FAM3B: variants seen among roughly 807,000 people sequenced by gnomAD.
FAM3B encodes the protein FAM3 metabolism regulating signaling molecule B, also known as protein FAM3B.
Under a neutral mutation model 28.4 loss-of-function variants are expected in FAM3B, and 29 were observed. The observed-to-expected ratio is 1.02, with a 90% CI of 0.76 to 1.39. The LOEUF (loss-of-function observed/expected upper bound fraction) is 1.39, where lower values mean the gene tolerates loss of function less well. Among genes scored for constraint, FAM3B ranks in the 40% most tolerant of loss-of-function variants. FAM3B has a pLI of 0.00. For missense variants in FAM3B, 266 were observed against 293.9 expected, an observed-to-expected ratio of 0.91 and a Z score of 0.69; for synonymous variants, 91 against 103.0, an observed-to-expected ratio of 0.88 and a Z score of 0.71.
chr21:41,321,023 T>A (rs1005090948), intron 1 of FAM3B: 1 of 152,222 alleles, frequency 6.6e-6, no homozygotes, highest in African/African-American at 2.4e-5. Context: ...AAACAGCAGC[T>A]TGTTGCTCAG....
chr21:41,348,803 T>A, intron 7 of FAM3B, 79 bp downstream of exon 7: 1 of 1,486,620 alleles, frequency 6.7e-7, no homozygotes, highest in South Asian at 1.2e-5. Flanking sequence ...CCTGGTGGGT[T>A]ATAACTCCGT....
At chr21:41,305,730 A>T (rs552705047) in intron 1 of FAM3B, among the ~76,000 whole-genome samples, 1 of 152,266 alleles carries the variant, frequency 6.6e-6, no homozygotes, top group Non-Finnish European at 1.5e-5. Context: ...AAAAGTGCCA[A>T]CGTTCATCTG....
chr21:41,311,290 ATATAT>A (rs1233387456), intron 1 of FAM3B, among the ~76,000 whole-genome samples: 2 of 103,218 alleles, frequency 1.9e-5, no homozygotes, highest in Non-Finnish European at 3.9e-5. Flanking sequence ...ATATATATAT[ATATAT>A]ATGTATATAT....
intron 2 of FAM3B, among the ~76,000 whole-genome samples, chr21:41,334,664 C>T (rs138929698): frequency 1.3e-5 from 2 of 152,322 alleles, no homozygotes; most frequent in East Asian, 3.9e-4. Context: ...GGCAGAACCT[C>T]TACTAGAACA....
chr21:41,315,045 G>A (rs1300663013), upstream of FAM3B, among the ~76,000 whole-genome samples: 5 of 152,076 alleles, frequency 3.3e-5, no homozygotes, highest in East Asian at 1.9e-4. Context: ...AAGTGTCCGC[G>A]GATGGATGAA....
At chr21:41,338,868 C>A (rs1489974147) in intron 3 of FAM3B, among the ~76,000 whole-genome samples, 1 of 152,096 alleles carries the variant, frequency 6.6e-6, no homozygotes, top group African/African-American at 2.4e-5. Flanking sequence ...GTGTGGGGCA[C>A]GTGGGGGCAT....
chr21:41,356,040 T>TACATACACAC (rs1350874234), intron 7 of FAM3B, among the ~76,000 whole-genome samples: 10 of 119,966 alleles, frequency 8.3e-5, no homozygotes, highest in African/African-American at 3.0e-4. Context: ...AAAAAATACA[T>TACATACACAC]ACACACACAC....
chr21:41,337,943 G>T (rs1028350273), intron 2 of FAM3B, among the ~76,000 whole-genome samples: 1 of 152,058 alleles, frequency 6.6e-6, no homozygotes, highest in African/African-American at 2.4e-5. Context: ...GTTGTGTGAT[G>T]TGTGTGTGTT....
upstream of FAM3B, among the ~76,000 whole-genome samples, chr21:41,312,722 A>AGT (rs10580404): frequency 0.019 from 2,814 of 148,282 alleles, 33 homozygotes; most frequent in Middle Eastern, 0.029. Flanking sequence ...TGTGTGTGAG[A>AGT]GTGTGTGTGT....
intron 1 of FAM3B, among the ~76,000 whole-genome samples, chr21:41,318,928 T>C (rs2088775612): frequency 6.6e-6 from 1 of 152,226 alleles, no homozygotes; most frequent in Admixed American, 6.6e-5. Context: ...GGTCTTGCTC[T>C]GTAGCCCAGA....
Position 41,344,460 on chromosome 21 carries a change from C to T in FAM3B, c.288-16C>T, listed in dbSNP as rs2145824922. 1.2e-6 allele frequency: 2 copies of T among 1,613,490 alleles called. No individual in the cohort carries two copies. The highest frequency in any genetic ancestry group is 1.7e-6 in the Non-Finnish European group (2 of 1,179,378). On this transcript the variant is annotated splice_polypyrimidine_tract_variant and intron_variant, in intron 3 of 7. Coordinates refer to ENST00000357985, the MANE Select transcript of FAM3B (RefSeq NM_058186.4). The stretch of plus-strand genomic sequence containing the variant: ...CACGCCTCTTGGTACTTGACTAATG[C>T]TTAGCTCCATTTCAGACTTATGGGA...
chr21:41,346,005 A>C, intron 5 of FAM3B: 1 of 280,484 alleles, frequency 3.6e-6, no homozygotes, highest in African/African-American at 2.6e-5. Flanking sequence ...AATAAGAAAG[A>C]GAAAAAGCCT....
intron 7 of FAM3B, among the ~76,000 whole-genome samples, chr21:41,353,308 T>C (rs374079337): frequency 1.3e-5 from 2 of 152,208 alleles, no homozygotes; most frequent in African/African-American, 2.4e-5. Context: ...GACAAGTTCA[T>C]CCTAAAATTC....
chr21:41,344,147 A>G (rs1266214174), intron 3 of FAM3B, among the ~76,000 whole-genome samples: 2 of 152,246 alleles, frequency 1.3e-5, no homozygotes, highest in Non-Finnish European at 2.9e-5. Context: ...TAAATTAACA[A>G]TAAAGTGCAT....
At chr21:41,306,318 C>A (rs2088682952) in intron 1 of FAM3B, among the ~76,000 whole-genome samples, 1 of 152,158 alleles carries the variant, frequency 6.6e-6, no homozygotes, top group African/African-American at 2.4e-5. Flanking sequence ...TTTATTTTGA[C>A]CTCCTCCCAT....
intron 1 of FAM3B, among the ~76,000 whole-genome samples, chr21:41,306,032 T>C (rs1052951321): frequency 6.6e-6 from 1 of 152,232 alleles, no homozygotes; most frequent in East Asian, 1.9e-4. Flanking sequence ...CAAATCTTTG[T>C]TGTCATTTCA....
Position 41,352,204 on chromosome 21 carries a change from G to A in FAM3B, c.618+3480G>A, listed in dbSNP as rs1483520907. On this transcript the variant is annotated intron_variant, in intron 7 of 7. Coordinates refer to ENST00000357985, the MANE Select transcript of FAM3B (RefSeq NM_058186.4). ...GTGGCTGCTCTTACCATACCCTGCA[G>A]CGCTTTGCCACTATGCTGGCTCTGT... 2.0e-5 allele frequency among the ~76,000 whole-genome samples: 3 copies of A among 152,292 alleles called. No homozygotes were observed. The South Asian group carries it at 6.2e-4, about 32-fold the overall frequency.
At chr21:41,328,638 C>T (rs889393543) in intron 2 of FAM3B, among the ~76,000 whole-genome samples, 3 of 152,204 alleles carry the variant, frequency 2.0e-5, no homozygotes, top group South Asian at 2.1e-4. Context: ...CCACTGCGCC[C>T]GGCTGAGAAT....
intron 1 of FAM3B, among the ~76,000 whole-genome samples, chr21:41,306,445 A>G (rs1192261526): frequency 1.3e-5 from 2 of 152,216 alleles, no homozygotes; most frequent in Non-Finnish European, 2.9e-5. Flanking sequence ...TATTCCTACA[A>G]ATGTATTCCT....
Sources: allele counts gnomAD v4.1 joint callset (sites outside exome capture counted in the v4.1 genomes callset), GRCh38; gene constraint gnomAD v4.1.1; transcripts MANE v1.5; gene names NCBI Gene and HGNC (gene_info 2026-07-23, HGNC 2026-07-21).